The following RAPGEF3 variants were observed in gnomAD, a reference collection of about 807,000 sequenced individuals.
RAPGEF3 encodes the protein 9330170P05Rik.
A neutral mutation model predicts 129.8 loss-of-function variants in RAPGEF3; 103 were observed. That is an observed-to-expected ratio of 0.79 (90% CI 0.68 to 0.93). The LOEUF is 0.93. Ranked by LOEUF, RAPGEF3 falls within the 40% of genes least tolerant of loss-of-function variation. The pLI is 0.00. For missense variants in RAPGEF3, 1,117 were observed against 1,207.4 expected (o/e 0.93, Z 1.11); for synonymous variants, 436 against 482.6 (o/e 0.90, Z 1.26).
At chr12:47,738,362 C>T in intron 25 of RAPGEF3, 115 bp from the exon 26 acceptor site, 1 of 1,405,644 alleles carries the variant, frequency 7.1e-7, no homozygotes, top group East Asian at 2.5e-5. Flanking sequence ...CTGTAAGATC[C>T]TTGGTTATGT....
chr12:47,738,097 C>T lies in RAPGEF3; in HGVS notation c.2582-4G>A, dbSNP rs1555187539. On this transcript the variant is annotated splice_polypyrimidine_tract_variant and splice_region_variant and intron_variant, in intron 26 of 27. Coordinates refer to ENST00000449771, the MANE Select transcript of RAPGEF3 (RefSeq NM_001098531.4). ...CTTCTGAGTGGTGAGAGAGGCACTGCGGGGGTGGGGAGGGGTCATGGAGTC... is the reference window on the plus strand; with the variant it reads ...CTTCTGAGTGGTGAGAGAGGCACTGTGGGGGTGGGGAGGGGTCATGGAGTC... The T allele has an allele frequency of 9.3e-6, 15 of 1,613,978 alleles. No homozygotes were observed. Among genetic ancestry groups the T allele is most frequent in the South Asian group, 2.2e-5 (2 of 91,060 alleles).
At chr12:47,758,309 C>T in intron 1 of RAPGEF3, 1 of 1,434,044 alleles carries the variant, frequency 7.0e-7, no homozygotes, top group East Asian at 2.5e-5. Context: ...TCAGGCCCTT[C>T]TTAGTCCTCT....
At chr12:47,737,743 C>A in intron 27 of RAPGEF3, 58 bp from the exon 28 acceptor site, 1 of 1,493,764 alleles carries the variant, frequency 6.7e-7, no homozygotes, top group East Asian at 2.3e-5. Context: ...CCCAACCTTT[C>A]CCCTCCAAGG....
Position 47,750,070 on chromosome 12 carries a change from G to A in RAPGEF3, c.757-80C>T, listed in dbSNP as rs558954710. On this transcript the variant is annotated intron_variant, in intron 7 of 27. Coordinates refer to ENST00000449771, the MANE Select transcript of RAPGEF3 (RefSeq NM_001098531.4). Reference sequence around the variant, plus strand: ...AGGCTTTTGCTAGGGGTGTGGTTAGGTCCAAAGACACAAGTGCTGGGGGAC... The same window carrying A: ...AGGCTTTTGCTAGGGGTGTGGTTAGATCCAAAGACACAAGTGCTGGGGGAC... 2.0e-6 allele frequency: 3 copies of A among 1,516,578 alleles called. No homozygotes were observed. The East Asian group carries it at 6.8e-5, about 34-fold the overall frequency. 93.9% of individuals were successfully genotyped at this position (1,516,578 alleles called of 1,614,324 possible). A position where few individuals can be genotyped will look rare whatever the true frequency, so the allele number is the denominator to read the frequency against.
intron 23 of RAPGEF3, 107 bp from the exon 24 acceptor site, chr12:47,739,337 C>T (rs1317954634): frequency 9.4e-6 from 8 of 847,546 alleles, no homozygotes; most frequent in African/African-American, 3.4e-5. Context: ...GTGCAGAGGC[C>T]CCAACTCAGC....
At position 47,749,221 on chromosome 12, in the gene RAPGEF3, T is replaced by C. The variant is rs1941600815; in HGVS notation, c.1041+169A>G. On this transcript the variant is annotated intron_variant, in intron 10 of 27. Transcript: ENST00000449771. The surrounding 1 kb of genome is among the most constrained non-coding windows in gnomAD (Gnocchi z 4.5). ...GAACTCCTTCTGTGCCTTATGGGCT[T>C]CACCTTCTCACACACACCCAGGGCT... 1.2e-6 allele frequency: 1 copy of C among 831,188 alleles called. No individual in the cohort carries two copies. Among genetic ancestry groups the C allele is most frequent in the Admixed American group, 2.1e-5 (1 of 47,198 alleles). The allele number at this position is 831,188 out of a possible 1,614,324, so 51.5% of individuals were successfully genotyped here.
chr12:47,743,121 G>A (rs1024365606), intron 18 of RAPGEF3, among the ~76,000 whole-genome samples: 2 of 152,216 alleles, frequency 1.3e-5, no homozygotes, highest in African/African-American at 2.4e-5. Flanking sequence ...GATAATAATA[G>A]CAGCTAATAC....
At chr12:47,738,638 T>C in intron 25 of RAPGEF3, 52 bp downstream of exon 25, 2 of 1,481,568 alleles carry the variant, frequency 1.3e-6, no homozygotes, top group Non-Finnish European at 1.9e-6. Flanking sequence ...CAGGCCACAG[T>C]CATGTCCTCC....
chr12:47,747,448 A>T, intron 15 of RAPGEF3, 96 bp downstream of exon 15: 4 of 1,278,794 alleles, frequency 3.1e-6, no homozygotes, highest in Non-Finnish European at 4.5e-6. Flanking sequence ...TGCAGCCTGG[A>T]TCTGAAGCCA....
chr12:47,750,989 C>A, intron 6 of RAPGEF3, 59 bp downstream of exon 6: 2 of 1,555,774 alleles, frequency 1.3e-6, no homozygotes, highest in Non-Finnish European at 1.7e-6. Context: ...TCTGAGAAAC[C>A]GTGAAATCTG....
In RAPGEF3 at chr12:47,749,093, A is replaced by C; in HGVS notation, c.1042-162T>G. 1 of 661,104 alleles carries C rather than the reference A, an allele frequency of 1.5e-6. No individual in the cohort carries two copies. Among genetic ancestry groups the C allele is most frequent in the Non-Finnish European group, 2.6e-6 (1 of 381,972 alleles). The allele number at this position is 661,104 out of a possible 1,614,324, so 41.0% of individuals were successfully genotyped here. On this transcript the variant is annotated intron_variant, in intron 10 of 27. Transcript: ENST00000449771. This position sits in a 1 kb window ranked among gnomAD's most constrained non-coding sequence, Gnocchi z 4.5. ...TGGCTCCACCTCCTCAGCCTTCCCT[A>C]CCTTCCATGCATCCTGCCTCCCCCA... is the stretch of plus-strand genomic sequence containing the variant.
rs1940795974 is a variant in RAPGEF3 at position 47,736,236 on chromosome 12, G to C, written c.*1331C>G. 6.6e-6 allele frequency: 1 copy of C among 152,308 alleles called. No homozygotes were observed. Among genetic ancestry groups the C allele is most frequent in the African/African-American group, 2.4e-5 (1 of 41,460 alleles). 9.4% of individuals were successfully genotyped at this position (152,308 alleles called of 1,614,324 possible). On this transcript the variant is annotated 3_prime_UTR_variant, in exon 28 of 28. Transcript: ENST00000449771. The stretch of plus-strand genomic sequence containing the variant: ...GTGCTGCCTCCCTGCTAAAGGCTCT[G>C]ACCCTTTCTGGAAGCAGCAGGCCTG...
intron 16 of RAPGEF3, 110 bp from the exon 17 acceptor site, chr12:47,744,178 T>C (rs1941308681): frequency 1.2e-6 from 1 of 866,238 alleles, no homozygotes; most frequent in Non-Finnish European, 1.8e-6. Flanking sequence ...CCACACAGCA[T>C]TCACACCACC....
At position 47,748,752 on chromosome 12, in the gene RAPGEF3, G is replaced by A. The variant is rs1941577047; in HGVS notation, c.1154+67C>T. 45 of 1,277,270 alleles carry A rather than the reference G, an allele frequency of 3.5e-5. 2 individuals carry two copies. The South Asian group carries it at 5.3e-4, about 15-fold the overall frequency. The allele number at this position is 1,277,270 out of a possible 1,614,324, so 79.1% of individuals were successfully genotyped here. A position where few individuals can be genotyped will look rare whatever the true frequency, so the allele number is the denominator to read the frequency against. ...CAGAGGGCAGGGATATGACACAGGGGAAGGGAGCAAAGATTGGGAAATGAA... is the reference window on the plus strand; with the variant it reads ...CAGAGGGCAGGGATATGACACAGGGAAAGGGAGCAAAGATTGGGAAATGAA... On this transcript the variant is annotated intron_variant, in intron 11 of 27. Coordinates refer to ENST00000449771, the MANE Select transcript of RAPGEF3 (RefSeq NM_001098531.4).
chr12:47,738,036 G>C lies in RAPGEF3; in HGVS notation c.2639C>G (p.Ala880Gly), dbSNP rs369531877. ...CCACCACTTACATGTGGAAATCCTC[G>C]CCACCTGGCTGTCCTCGTGGAGGTG... The part of the protein sequence containing the change: ...VSHLHEDSQV[A>G]RISTCSEQSL... The change falls in exon 27 of 28, where the codon GCG (alanine) becomes GGG (glycine). Residue 880 changes from alanine to glycine, a missense_variant. Coordinates refer to ENST00000449771, the MANE Select transcript of RAPGEF3 (RefSeq NM_001098531.4). The C allele has an allele frequency of 7.6e-5, 112 of 1,477,242 alleles. No homozygotes were observed. The highest frequency in any genetic ancestry group is 9.9e-5 in the Non-Finnish European group (108 of 1,093,620). 91.5% of individuals were successfully genotyped at this position (1,477,242 alleles called of 1,614,324 possible).
In RAPGEF3 at chr12:47,737,683, A is replaced by G; in HGVS notation, c.2656T>C (p.Ser886Pro). 6.2e-7 allele frequency: 1 copy of G among 1,612,972 alleles called. No homozygotes were observed. The highest frequency in any genetic ancestry group is 1.1e-5 in the South Asian group (1 of 90,804). Reference protein sequence around the residue: ...DSQVARISTCSEQSLSTRSPA... With the variant: ...DSQVARISTCPEQSLSTRSPA... ...CTCCGGGTGCTCAGGGACTGCTCCG[A>G]GCCTGGTGGAGGAGAGTAGTCAGGG... Residue 886 changes from serine (S) to proline (P), a missense_variant and splice_region_variant, in exon 28 of 28, where the codon TCG becomes CCG. Physicochemically the swap from Ser to Pro is moderately conservative, Grantham distance 74. Coordinates refer to ENST00000449771, the MANE Select transcript of RAPGEF3 (RefSeq NM_001098531.4).
At chr12:47,752,937 C>T (rs1477973574) in intron 2 of RAPGEF3, 1 of 152,208 alleles carries the variant, frequency 6.6e-6, no homozygotes, top group Non-Finnish European at 1.5e-5. Context: ...ACTCCCGGGC[C>T]TGTACGCCCT....
intron 16 of RAPGEF3, 185 bp from the exon 17 acceptor site, chr12:47,744,253 G>A (rs905971296): frequency 3.3e-6 from 2 of 607,474 alleles, no homozygotes; most frequent in African/African-American, 3.7e-5. Flanking sequence ...GGATCCAGGA[G>A]AAGACACAAC....
intron 1 of RAPGEF3, 82 bp from the exon 2 acceptor site, chr12:47,758,160 T>C: frequency 1.3e-6 from 2 of 1,495,280 alleles, no homozygotes; most frequent in Non-Finnish European, 1.8e-6. Flanking sequence ...CAGGCAGAAC[T>C]ACTTCCTTAG....
Sources: gnomAD v4.1 joint callset for allele counts (sites outside exome capture counted in the v4.1 genomes callset) on GRCh38, gnomAD v4.1.1 for gene constraint, Gnocchi (gnomAD v3.1) non-coding constraint, MANE v1.5 for transcripts, NCBI Gene and HGNC (gene_info 2026-07-23, HGNC 2026-07-21) for gene names.